TRPS1: variants seen among roughly 807,000 people sequenced by gnomAD.
TRPS1 encodes transcriptional repressor GATA binding 1.
A neutral mutation model predicts 101.2 loss-of-function variants in TRPS1; 6 were observed. That is an observed-to-expected ratio of 0.06 (90% confidence interval 0.03 to 0.12). The LOEUF is 0.12. Among genes scored for constraint, TRPS1 ranks in the 10% least tolerant of loss-of-function variants. TRPS1 has a pLI of 1.00. For missense variants in TRPS1, 1,363 were observed against 1,567.0 expected, an observed-to-expected ratio of 0.87 and a Z score of 2.20; for synonymous variants, 578 against 589.8, an observed-to-expected ratio of 0.98 and a Z score of 0.29.
rs553656885 is a variant in TRPS1 at position 115,473,241 on chromosome 8, A to G, written c.2701-54789T>C. ...TCCACATGGCTGGGAAGGCCTTGGG[A>G]AACTTATAATCCTGGTGGAAGGGGA... On this transcript the variant is annotated intron_variant, in intron 5 of 6. Coordinates refer to ENST00000395715, the MANE Select transcript of TRPS1 (RefSeq NM_014112.5). 2.6e-5 allele frequency among the ~76,000 whole-genome samples: 4 copies of G among 152,134 alleles called. No homozygotes were observed. The South Asian group carries it at 6.2e-4, about 24-fold the overall frequency.
chr8:115,443,225 A>G (rs1813652469), intron 5 of TRPS1, among the ~76,000 whole-genome samples: 1 of 151,746 alleles, frequency 6.6e-6, no homozygotes, highest in Admixed American at 6.6e-5. Context: ...AGCTGACATC[A>G]TGCCACTGCA....
chr8:115,600,600 C>G (rs1817886515), intron 4 of TRPS1, among the ~76,000 whole-genome samples: 1 of 152,054 alleles, frequency 6.6e-6, no homozygotes, highest in African/African-American at 2.4e-5. Flanking sequence ...ACCTCACATT[C>G]CAAGCTTACC....
At chr8:115,461,294 T>C (rs868250385) in intron 5 of TRPS1, among the ~76,000 whole-genome samples, 3,905 of 32,362 alleles carry the variant, frequency 0.12, 160 homozygotes, top group African/African-American at 0.31. Flanking sequence ...GATAGATAGA[T>C]AGATAGACAG....
At chr8:115,582,791 G>C (rs1331310471) in intron 5 of TRPS1, among the ~76,000 whole-genome samples, 1 of 152,170 alleles carries the variant, frequency 6.6e-6, no homozygotes, top group Non-Finnish European at 1.5e-5. Context: ...CTTTTCTAAA[G>C]AAATTTAAAC....
At chr8:115,500,082 T>C (rs375772681) in intron 5 of TRPS1, among the ~76,000 whole-genome samples, 5 of 152,048 alleles carry the variant, frequency 3.3e-5, no homozygotes, top group African/African-American at 1.2e-4. Flanking sequence ...TAGGCTGTTG[T>C]GCAGTGGCAT....
chr8:115,566,236 C>T, intron 5 of TRPS1, among the ~76,000 whole-genome samples: 1 of 152,148 alleles, frequency 6.6e-6, no homozygotes, highest in East Asian at 1.9e-4. Context: ...CCCCAGTCTA[C>T]AAGATGGCCT....
chr8:115,552,331 T>C (rs531535443), intron 5 of TRPS1, among the ~76,000 whole-genome samples: 7 of 152,282 alleles, frequency 4.6e-5, no homozygotes, highest in African/African-American at 1.4e-4. Context: ...TAATGTACTT[T>C]ACAATCTAAA....
chr8:115,421,211 C>G (rs1336974790), intron 5 of TRPS1, among the ~76,000 whole-genome samples: 1 of 151,300 alleles, frequency 6.6e-6, no homozygotes, highest in African/African-American at 2.4e-5. Context: ...TCTCAAACTC[C>G]CAATCTCAAG....
chr8:115,645,585 C>T (rs1345267927), intron 1 of TRPS1, among the ~76,000 whole-genome samples: 1 of 151,982 alleles, frequency 6.6e-6, no homozygotes, highest in Non-Finnish European at 1.5e-5. Context: ...ATTGTGTGCT[C>T]ATTTTGAGGA....
intron 1 of TRPS1, among the ~76,000 whole-genome samples, chr8:115,629,871 C>A (rs1818600301): frequency 6.6e-6 from 1 of 151,826 alleles, no homozygotes; most frequent in South Asian, 2.1e-4. Flanking sequence ...CAATGAAGGA[C>A]AGAAAACCAA....
intron 5 of TRPS1, among the ~76,000 whole-genome samples, chr8:115,581,017 A>C (rs1463782146): frequency 1.3e-5 from 2 of 152,172 alleles, no homozygotes; most frequent in Non-Finnish European, 2.9e-5. Context: ...AACGACAGAT[A>C]AATGAATAAA....
intron 5 of TRPS1, among the ~76,000 whole-genome samples, chr8:115,544,956 T>C (rs577418600): frequency 2.0e-5 from 3 of 152,270 alleles, no homozygotes; most frequent in East Asian, 3.9e-4. Flanking sequence ...TACTAATAAA[T>C]ACAATCATTT....
At chr8:115,630,518 G>T in intron 1 of TRPS1, among the ~76,000 whole-genome samples, 1 of 151,922 alleles carries the variant, frequency 6.6e-6, no homozygotes. Flanking sequence ...TTTACAAATA[G>T]TTCTTTCAGA....
chr8:115,460,767 T>C (rs771036962), intron 5 of TRPS1, among the ~76,000 whole-genome samples: 1 of 152,148 alleles, frequency 6.6e-6, no homozygotes, highest in Non-Finnish European at 1.5e-5. Flanking sequence ...TAACCAAACT[T>C]TCCTCCTTGC....
At position 115,418,655 on chromosome 8, in the gene TRPS1, T is replaced by C. The variant is rs1319958272; in HGVS notation, c.2701-203A>G. Among the ~76,000 whole-genome samples, 3 of 152,224 alleles carry C rather than the reference T, an allele frequency of 2.0e-5. No homozygotes were observed. The East Asian group carries it at 5.8e-4, about 29-fold the overall frequency. On this transcript the variant is annotated intron_variant, in intron 5 of 6. Transcript: ENST00000395715. The surrounding 1 kb of genome is among the most constrained non-coding windows in gnomAD (Gnocchi z 4.3). ...TAACCCTACAGTGATGGATGAGGTG[T>C]GTGGAACACCAAAGGCTTTTCACAG...
At chr8:115,458,219 G>A (rs1411581862) in intron 5 of TRPS1, among the ~76,000 whole-genome samples, 3 of 152,118 alleles carry the variant, frequency 2.0e-5, no homozygotes, top group Non-Finnish European at 4.4e-5. Flanking sequence ...TGTGTTCTTA[G>A]ATTGTTTATG....
rs140447761 is a variant in TRPS1 at position 115,514,712 on chromosome 8, G to GAA, written c.2700+72287_2700+72288dup. On this transcript the variant is annotated intron_variant, in intron 5 of 6. Transcript: ENST00000395715. ...ATACAAATTACTTTAATTTTGCAGT[G>GAA]AACTATTACATGACGCAATTCCAAA... is the stretch of plus-strand genomic sequence containing the variant. Among the ~76,000 whole-genome samples, 1,127 of 151,444 alleles carry GAA rather than the reference G, an allele frequency of 7.4e-3. 17 individuals are homozygous for GAA. Among genetic ancestry groups the GAA allele is most frequent in the African/African-American group, 0.026 (1,059 of 41,384 alleles).
Position 115,414,260 on chromosome 8 carries a change from C to A in TRPS1, c.3648G>T (p.Glu1216Asp). The change falls in exon 7 of 7, where the codon GAG becomes GAT. Residue 1216 changes from glutamate (E) to aspartate (D), a missense_variant. Around this residue, in one of 5 missense-constraint regions of TRPS1, gnomAD observed 307 missense variants for 392.4 expected, o/e 0.78. Coordinates refer to ENST00000395715, the MANE Select transcript of TRPS1 (RefSeq NM_014112.5). The surrounding 1 kb of genome is among the most constrained non-coding windows in gnomAD (Gnocchi z 4.8). Reference protein sequence around the residue: ...NEGPLNVVKTEKVDRSTQDEL... With the variant: ...NEGPLNVVKTDKVDRSTQDEL... ...CATCTTGAGTACTTCTATCAACTTT[C>A]TCTGTTTTTACTACATTCAAGGGAC... The A allele has an allele frequency of 6.2e-7, 1 of 1,613,984 alleles. No individual in the cohort carries two copies. The highest frequency in any genetic ancestry group is 1.7e-5 in the Admixed American group (1 of 59,950).
chr8:115,421,725 G>A (rs1009668284), intron 5 of TRPS1, among the ~76,000 whole-genome samples: 13 of 152,172 alleles, frequency 8.5e-5, no homozygotes, highest in African/African-American at 2.9e-4. Context: ...AGCAGAGAAG[G>A]TGGGAGAAGT....
Sources: allele counts gnomAD v4.1 joint callset (sites outside exome capture counted in the v4.1 genomes callset), GRCh38; gene constraint gnomAD v4.1.1; regional missense constraint gnomAD v4.1.1; non-coding constraint Gnocchi (gnomAD v3.1); transcripts MANE v1.5; gene names NCBI Gene and HGNC (gene_info 2026-07-23, HGNC 2026-07-21).